SLC7A2: variants seen among roughly 807,000 people sequenced by gnomAD.
SLC7A2 encodes the protein solute carrier family 7 member 2.
Under a neutral mutation model 58.9 loss-of-function variants are expected in SLC7A2, and 48 were observed. The observed-to-expected ratio is 0.82, with a 90% CI of 0.65 to 1.04. SLC7A2 has a LOEUF of 1.04. Among genes scored for constraint, SLC7A2 ranks in the 50% least tolerant of loss-of-function variants. The pLI is 0.00. For synonymous variants in SLC7A2, 363 were observed against 314.5 expected (o/e 1.15, Z -1.63); for missense variants, 1,029 against 818.8 (o/e 1.26, Z -3.13).
At chr8:17,522,272 A>G (rs1046953031) in intron 2 of SLC7A2, among the ~76,000 whole-genome samples, 1 of 152,146 alleles carries the variant, frequency 6.6e-6, no homozygotes, top group Non-Finnish European at 1.5e-5. Flanking sequence ...CGTGAGACTT[A>G]TTAACTACCA....
upstream of SLC7A2, among the ~76,000 whole-genome samples, chr8:17,496,406 A>T (rs1469854120): frequency 1.3e-5 from 2 of 152,188 alleles, no homozygotes. Flanking sequence ...TTCGTTTTGG[A>T]TGAAAATTAA....
chr8:17,555,653 T>G (rs1279399359), intron 8 of SLC7A2, among the ~76,000 whole-genome samples: 1 of 152,162 alleles, frequency 6.6e-6, no homozygotes, highest in Non-Finnish European at 1.5e-5. Context: ...CGCAGCCATC[T>G]AACAGTTAGG....
chr8:17,509,848 G>A (rs1009031051), intron 2 of SLC7A2, among the ~76,000 whole-genome samples: 1 of 151,984 alleles, frequency 6.6e-6, no homozygotes, highest in African/African-American at 2.4e-5. Flanking sequence ...ATGAAATTCT[G>A]GGTTCGGAAG....
At chr8:17,555,753 C>G (rs1585260888) in intron 8 of SLC7A2, among the ~76,000 whole-genome samples, 1 of 152,106 alleles carries the variant, frequency 6.6e-6, no homozygotes, top group African/African-American at 2.4e-5. Context: ...ATCCAGATTG[C>G]TAGTCTTTTG....
rs954054836 is a variant in SLC7A2, at chr8:17,502,241, T to G, written c.-68-16T>G. On this transcript the variant is annotated splice_polypyrimidine_tract_variant and intron_variant, in intron 1 of 12. Transcript: ENST00000494857. ...ATGAGTCCTTTAGTTATCACTCCCATCATTGCTTCTCCCAGCAGGAGACTC... is the reference window on the plus strand; with the variant it reads ...ATGAGTCCTTTAGTTATCACTCCCAGCATTGCTTCTCCCAGCAGGAGACTC... 1.1e-4 allele frequency: 16 copies of G among 151,930 alleles called. No individual in the cohort carries two copies. Among genetic ancestry groups the G allele is most frequent in the Admixed American group, 4.6e-4 (7 of 15,234 alleles). 9.4% of individuals were successfully genotyped at this position (151,930 alleles called of 1,614,324 possible).
chr8:17,494,446 A>G (rs922523901), upstream of SLC7A2, among the ~76,000 whole-genome samples: 7 of 152,188 alleles, frequency 4.6e-5, no homozygotes, highest in Non-Finnish European at 8.8e-5. Context: ...AGGAAACTTG[A>G]CGGCTGAAAG....
chr8:17,514,730 G>C (rs139155214), intron 2 of SLC7A2, among the ~76,000 whole-genome samples: 6 of 152,074 alleles, frequency 3.9e-5, no homozygotes, highest in African/African-American at 1.2e-4. Flanking sequence ...TTCAATAAAG[G>C]CCTCATTCCT....
rs183186203 is a variant in SLC7A2, at chr8:17,519,367, C to T, written c.-23+17065C>T. 3.0e-4 allele frequency among the ~76,000 whole-genome samples: 46 copies of T among 152,300 alleles called. No individual in the cohort carries two copies. In the East Asian group the frequency reaches 8.7e-3, roughly 29 times the overall value. On this transcript the variant is annotated intron_variant, in intron 2 of 12. Coordinates refer to ENST00000494857, the MANE Select transcript of SLC7A2 (RefSeq NM_001370338.1). ...TAGTGATGGTAGTATATTTTAGGAG[C>T]ATGTCTCATTCCAGGAACTTATCAG... is the stretch of plus-strand genomic sequence containing the variant.
chr8:17,509,426 C>T (rs577600940), intron 2 of SLC7A2, among the ~76,000 whole-genome samples: 105 of 152,212 alleles, frequency 6.9e-4, no homozygotes, highest in African/African-American at 2.3e-3. Flanking sequence ...CTGCCTCACC[C>T]TCCCAAGTAG....
intron 7 of SLC7A2, among the ~76,000 whole-genome samples, chr8:17,552,589 TGTG>T (rs1802505620): frequency 1.8e-5 from 1 of 56,780 alleles, no homozygotes; most frequent in South Asian, 1.0e-3. Flanking sequence ...CATATAAATA[TGTG>T]AAGGGAAGCA....
At chr8:17,508,868 A>G (rs116414647) in intron 2 of SLC7A2, among the ~76,000 whole-genome samples, 1,700 of 152,312 alleles carry the variant, frequency 0.011, 38 homozygotes, top group African/African-American at 0.04. Flanking sequence ...CTGAGGACCC[A>G]CATTATTTCT....
chr8:17,554,545 T>A lies in SLC7A2; in HGVS notation c.1056-15T>A. 3.2e-6 allele frequency: 5 copies of A among 1,578,676 alleles called. No individual in the cohort carries two copies. The highest frequency in any genetic ancestry group is 4.3e-6 in the Non-Finnish European group (5 of 1,167,382). On this transcript the variant is annotated splice_polypyrimidine_tract_variant and intron_variant, in intron 7 of 12. Coordinates refer to ENST00000494857, the MANE Select transcript of SLC7A2 (RefSeq NM_001370338.1). The stretch of plus-strand genomic sequence containing the variant: ...TGAATGTTTGCCATACTGCATGTGT[T>A]TGCTTTTTATTCAGTCTTCTTGGAT...
At chr8:17,517,431 G>GT (rs1410710713) in intron 2 of SLC7A2, among the ~76,000 whole-genome samples, 2 of 152,196 alleles carry the variant, frequency 1.3e-5, no homozygotes, top group Non-Finnish European at 2.9e-5. Context: ...TGGATAAATT[G>GT]TAAAATGCAC....
chr8:17,548,296 A>G (rs1009377218), intron 4 of SLC7A2, among the ~76,000 whole-genome samples: 1 of 152,106 alleles, frequency 6.6e-6, no homozygotes, highest in Non-Finnish European at 1.5e-5. Flanking sequence ...AGCCGAGATC[A>G]TACCACTGCA....
At position 17,565,990 on chromosome 8, in the gene SLC7A2, G is replaced by A. The variant is rs1328522852; in HGVS notation, c.*844G>A. 6.6e-6 allele frequency: 1 copy of A among 151,986 alleles called. No homozygotes were observed. The highest frequency in any genetic ancestry group is 1.5e-5 in the Non-Finnish European group (1 of 68,050). 9.4% of individuals were successfully genotyped at this position (151,986 alleles called of 1,614,324 possible). A position where few individuals can be genotyped will look rare whatever the true frequency, so the allele number is the denominator to read the frequency against. On this transcript the variant is annotated 3_prime_UTR_variant, in exon 13 of 13. Transcript: ENST00000494857. The stretch of plus-strand genomic sequence containing the variant: ...CTTGGGACCCTTTAAATTAAAAAGT[G>A]AAGATAGTCACCAGGGCCAGAAAGC...
intron 2 of SLC7A2, among the ~76,000 whole-genome samples, chr8:17,523,864 C>A (rs2588220): frequency 6.6e-6 from 1 of 151,752 alleles, no homozygotes; most frequent in African/African-American, 2.4e-5. Flanking sequence ...GTCTATACAT[C>A]TGACAAAGGA....
chr8:17,525,660 C>T (rs919971367), intron 2 of SLC7A2, among the ~76,000 whole-genome samples: 2 of 152,078 alleles, frequency 1.3e-5, no homozygotes, highest in African/African-American at 4.8e-5. Context: ...TCCTACATGC[C>T]TCAACAGTGA....
chr8:17,547,613 T>A (rs1036793558), intron 4 of SLC7A2, among the ~76,000 whole-genome samples: 2 of 152,164 alleles, frequency 1.3e-5, no homozygotes, highest in Non-Finnish European at 2.9e-5. Flanking sequence ...AAATGGAAAG[T>A]GTAGAAAGAT....
In SLC7A2 at chr8:17,566,961, T is replaced by C. The variant is rs775457769; in HGVS notation, c.*1815T>C. Reference sequence around the variant, plus strand: ...GATGCCATTAAAAAGCAAGTTGCGATGGTTTTGTATAGCCAGGAGTTTATT... The same window carrying C: ...GATGCCATTAAAAAGCAAGTTGCGACGGTTTTGTATAGCCAGGAGTTTATT... On this transcript the variant is annotated 3_prime_UTR_variant, in exon 13 of 13. Transcript: ENST00000494857. The C allele has an allele frequency of 1.3e-5, 2 of 152,648 alleles. No homozygotes were observed. Among genetic ancestry groups the C allele is most frequent in the Non-Finnish European group, 2.9e-5 (2 of 68,036 alleles). The allele number at this position is 152,648 out of a possible 1,614,324, so 9.5% of individuals were successfully genotyped here. A position where few individuals can be genotyped will look rare whatever the true frequency, so the allele number is the denominator to read the frequency against.
Sources: gnomAD v4.1 joint callset for allele counts (sites outside exome capture counted in the v4.1 genomes callset) on GRCh38, gnomAD v4.1.1 for gene constraint, MANE v1.5 for transcripts, NCBI Gene and HGNC (gene_info 2026-07-23, HGNC 2026-07-21) for gene names.